Variants in LPP observed in about 807,000 individuals in gnomAD.
LPP encodes lipoma-preferred partner.
LPP carries 38 observed loss-of-function variants against 60.4 expected under a neutral mutation model. The observed-to-expected ratio is 0.63, with a 90% CI of 0.49 to 0.83. The LOEUF is 0.83. Among genes scored for constraint, LPP ranks in the 40% least tolerant of loss-of-function variants. The pLI is 0.00. For synonymous variants in LPP, 328 were observed against 290.8 expected (o/e 1.13, Z -1.30); for missense variants, 902 against 783.6 (o/e 1.15, Z -1.80).
chr3:188,594,060 A>G (rs1302818311), intron 6 of LPP, among the ~76,000 whole-genome samples: 2 of 152,166 alleles, frequency 1.3e-5, no homozygotes, highest in Non-Finnish European at 2.9e-5. Flanking sequence ...AGTGTTATGA[A>G]AGGCTGAAGA....
intron 2 of LPP, among the ~76,000 whole-genome samples, chr3:188,313,841 C>G (rs1235290006): frequency 6.6e-6 from 1 of 151,952 alleles, no homozygotes. Context: ...GTAGACCGTG[C>G]CTGTTTCTAA....
intron 3 of LPP, among the ~76,000 whole-genome samples, chr3:188,358,419 C>T (rs1339478776): frequency 2.6e-5 from 4 of 151,996 alleles, no homozygotes; most frequent in Admixed American, 1.3e-4. Flanking sequence ...CTAGTGAAGG[C>T]GAGACAACAC....
At position 188,352,932 on chromosome 3, in the gene LPP, T is replaced by A. The variant is rs1766366911; in HGVS notation, c.-10+11213T>A. On this transcript the variant is annotated intron_variant, in intron 3 of 11. Coordinates refer to ENST00000617246, the MANE Select transcript of LPP (RefSeq NM_001375462.1). The surrounding 1 kb of genome is among the most constrained non-coding windows in gnomAD (Gnocchi z 4.4). ...CCACAGAAACTTTTCTGGGGGAGAA[T>A]GTTTCTTATCAGATTCCGCAGATGG... Among the ~76,000 whole-genome samples, 1 of 152,128 alleles carries A rather than the reference T, an allele frequency of 6.6e-6. No individual in the cohort carries two copies. The highest frequency in any genetic ancestry group is 6.5e-5 in the Admixed American group (1 of 15,274).
chr3:188,300,568 A>C lies in LPP; in HGVS notation c.-66-41095A>C, dbSNP rs574493227. ...AGTACTTTTAGTTAAGATCTCAGTTAAGGTAAAAAGGTCAGACCTGTAGAG... is the reference window on the plus strand; with the variant it reads ...AGTACTTTTAGTTAAGATCTCAGTTCAGGTAAAAAGGTCAGACCTGTAGAG... On this transcript the variant is annotated intron_variant, in intron 2 of 11. Coordinates refer to ENST00000617246, the MANE Select transcript of LPP (RefSeq NM_001375462.1). 4.0e-5 allele frequency among the ~76,000 whole-genome samples: 6 copies of C among 151,334 alleles called. No individual in the cohort carries two copies. In the South Asian group the frequency reaches 1.0e-3, roughly 26 times the overall value.
chr3:188,270,866 T>G (rs1737512567), intron 2 of LPP, among the ~76,000 whole-genome samples: 2 of 152,200 alleles, frequency 1.3e-5, no homozygotes, highest in Non-Finnish European at 2.9e-5. Flanking sequence ...ACTAAGAAAT[T>G]GTTCTTGCAG....
chr3:188,889,460 C>A lies in LPP; in HGVS notation c.*14981C>A. 4.3e-6 allele frequency: 1 copy of A among 231,524 alleles called. No individual in the cohort carries two copies. 14.3% of individuals were successfully genotyped at this position (231,524 alleles called of 1,614,324 possible). Reference sequence around the variant, plus strand: ...GGCAGATTACACTTGCCAAGTCGTTCCCTTTCCTTCTAAGTCAGTTGGCTC... The same window carrying A: ...GGCAGATTACACTTGCCAAGTCGTTACCTTTCCTTCTAAGTCAGTTGGCTC... On this transcript the variant is annotated 3_prime_UTR_variant, in exon 12 of 12. Coordinates refer to ENST00000617246, the MANE Select transcript of LPP (RefSeq NM_001375462.1).
chr3:188,432,330 ACTATAT>A (rs1270133668), intron 4 of LPP, among the ~76,000 whole-genome samples: 1 of 152,186 alleles, frequency 6.6e-6, no homozygotes, highest in Non-Finnish European at 1.5e-5. Flanking sequence ...ACCGATATCT[ACTATAT>A]CTGTGTATAC....
chr3:188,882,931 G>A lies in LPP; in HGVS notation c.*8452G>A, dbSNP rs113758451. On this transcript the variant is annotated 3_prime_UTR_variant, in exon 12 of 12. Coordinates refer to ENST00000617246, the MANE Select transcript of LPP (RefSeq NM_001375462.1). ...TTTTTTTTGTACTTTTAGTAGAGAC[G>A]GGGTTTCACCGTGGTCTCGATCTCC... 0.048 allele frequency: 8,754 copies of A among 182,582 alleles called. 287 individuals carry two copies. The highest frequency in any genetic ancestry group is 0.071 in the Non-Finnish European group (6,075 of 85,900). 11.3% of individuals were successfully genotyped at this position (182,582 alleles called of 1,614,324 possible).
intron 7 of LPP, among the ~76,000 whole-genome samples, chr3:188,630,922 C>T (rs1010763085): frequency 1.3e-5 from 2 of 152,076 alleles, no homozygotes; most frequent in African/African-American, 2.4e-5. Context: ...CTAACATGAA[C>T]GGAAAACCAA....
chr3:188,806,049 C>T (rs1749027511), intron 9 of LPP, among the ~76,000 whole-genome samples: 1 of 151,742 alleles, frequency 6.6e-6, no homozygotes, highest in Non-Finnish European at 1.5e-5. Context: ...GTGTATTCTG[C>T]TATTATTAGG....
At chr3:188,503,955 C>T (rs973038992) in intron 5 of LPP, among the ~76,000 whole-genome samples, 11 of 152,076 alleles carry the variant, frequency 7.2e-5, no homozygotes, top group African/African-American at 2.7e-4. Context: ...TTTTGAGCTT[C>T]TTGGATGTTT....
intron 8 of LPP, among the ~76,000 whole-genome samples, chr3:188,727,998 A>T (rs1354820714): frequency 6.6e-6 from 1 of 152,186 alleles, no homozygotes; most frequent in Non-Finnish European, 1.5e-5. Flanking sequence ...TAGAATTATA[A>T]GATCATAGAT....
chr3:188,810,475 G>GAC (rs1411383311), intron 9 of LPP, among the ~76,000 whole-genome samples: 1 of 152,068 alleles, frequency 6.6e-6, no homozygotes, highest in Non-Finnish European at 1.5e-5. Flanking sequence ...GAGAAAGAGA[G>GAC]AGAGAGAGAG....
rs142654226 is a variant in LPP, at chr3:188,760,187, G to A, written c.1315G>A (p.Val439Met). The change falls in exon 9 of 12, where the codon GTG (valine) becomes ATG (methionine). Residue 439 changes from valine (V) to methionine (M), a missense_variant. Val to Met is a conservative substitution (Grantham distance 21, BLOSUM62 1). Transcript: ENST00000617246. ...CACTGCCATGGATCAGGTCTTCCAC[G>A]TGGATTGTTTTACCTGCATCATCTG... is the stretch of plus-strand genomic sequence containing the variant. ...GCTAMDQVFH[V>M]DCFTCIICNN... The A allele has an allele frequency of 1.4e-5, 23 of 1,614,054 alleles. No homozygotes were observed. Among genetic ancestry groups the A allele is most frequent in the East Asian group, 2.2e-5 (1 of 44,876 alleles).
In LPP at chr3:188,889,494, C is replaced by G. The variant is rs919202128; in HGVS notation, c.*15015C>G. The stretch of plus-strand genomic sequence containing the variant: ...TCTAAGTCAGTTGGCTCCATATTCA[C>G]TTGAATATGCCTCTGTTTGGGCAAA... On this transcript the variant is annotated 3_prime_UTR_variant, in exon 12 of 12. Coordinates refer to ENST00000617246, the MANE Select transcript of LPP (RefSeq NM_001375462.1). 4.3e-6 allele frequency: 1 copy of G among 230,872 alleles called. No individual in the cohort carries two copies. Among genetic ancestry groups the G allele is most frequent in the African/African-American group, 2.2e-5 (1 of 45,336 alleles). 14.3% of individuals were successfully genotyped at this position (230,872 alleles called of 1,614,324 possible).
chr3:188,717,620 G>A (rs1172715859), intron 8 of LPP, among the ~76,000 whole-genome samples: 1 of 152,074 alleles, frequency 6.6e-6, no homozygotes, highest in Non-Finnish European at 1.5e-5. Flanking sequence ...TTTGTTTAGG[G>A]TATCTTTGAG....
intron 6 of LPP, among the ~76,000 whole-genome samples, chr3:188,530,273 G>T (rs1821810701): frequency 6.6e-6 from 1 of 152,164 alleles, no homozygotes; most frequent in South Asian, 2.1e-4. Flanking sequence ...TGATTTTGGA[G>T]TAATGACTTT....
intron 9 of LPP, among the ~76,000 whole-genome samples, chr3:188,766,708 A>T (rs910111894): frequency 4.6e-5 from 7 of 152,220 alleles, no homozygotes; most frequent in African/African-American, 1.7e-4. Flanking sequence ...CCATGATGGT[A>T]ATTCTTTTTT....
chr3:188,516,841 A>C (rs1817517716), intron 5 of LPP, among the ~76,000 whole-genome samples: 2 of 152,034 alleles, frequency 1.3e-5, no homozygotes, highest in Admixed American at 6.5e-5. Flanking sequence ...TCTAAGGTTT[A>C]ATAAGTCCTC....
Sources: allele counts gnomAD v4.1 joint callset (sites outside exome capture counted in the v4.1 genomes callset), GRCh38; gene constraint gnomAD v4.1.1; non-coding constraint Gnocchi (gnomAD v3.1); transcripts MANE v1.5; gene names NCBI Gene and HGNC (gene_info 2026-07-23, HGNC 2026-07-21).